The following ERFE variants were observed in gnomAD, a reference collection of about 807,000 sequenced individuals.
ERFE encodes complement C1q tumor necrosis factor-related protein 15.
Under a neutral mutation model 26.6 loss-of-function variants are expected in ERFE, and 25 were observed. That is an observed-to-expected ratio of 0.94 (90% CI 0.69 to 1.31). ERFE has a LOEUF of 1.31. Ranked by LOEUF, ERFE falls within the 40% of genes most tolerant of loss-of-function variation. The pLI is 0.00. For synonymous variants in ERFE, 206 were observed against 204.5 expected (o/e 1.01, Z -0.06); for missense variants, 447 against 440.2 (o/e 1.02, Z -0.14).
chr2:238,163,426 C>T (rs1559282085), intron 3 of ERFE, among the ~76,000 whole-genome samples: 2 of 152,258 alleles, frequency 1.3e-5, no homozygotes, highest in African/African-American at 2.4e-5. Context: ...CTTGTACTTC[C>T]AGTAAAGCTG....
Position 238,163,894 on chromosome 2 carries a change from CCCGGGGCCGCGGGCGCCGCGCGTGGAG to C in ERFE, c.583_609del (p.Pro195_Glu203del), listed in dbSNP as rs746311920. The C allele has an allele frequency of 2.6e-4, 347 of 1,318,674 alleles. 14 individuals are homozygous for C. In the South Asian group the frequency reaches 7.2e-3, roughly 27 times the overall value. The allele number at this position is 1,318,674 out of a possible 1,614,324, so 81.7% of individuals were successfully genotyped here. On this transcript the variant is annotated inframe_deletion, in exon 4 of 8. Coordinates refer to ENST00000546354, the MANE Select transcript of ERFE (RefSeq NM_001291832.2). ...TGGCACTGCTGGCCGCGCCCCTGGCCCCGGGGCCGCGGGCGCCGCGCGTGGAGGCCGCTTTCCTCTGCCGCCTGCGCC... is the reference window on the plus strand; with the variant it reads ...TGGCACTGCTGGCCGCGCCCCTGGCCGCCGCTTTCCTCTGCCGCCTGCGCC...
Position 238,163,961 on chromosome 2 carries a change from G to C in ERFE, c.649G>C (p.Glu217Gln). 1 of 1,382,666 alleles carries C rather than the reference G, an allele frequency of 7.2e-7. No individual in the cohort carries two copies. The highest frequency in any genetic ancestry group is 9.3e-7 in the Non-Finnish European group (1 of 1,074,818). The allele number at this position is 1,382,666 out of a possible 1,614,324, so 85.6% of individuals were successfully genotyped here. Reference sequence around the variant, plus strand: ...CCGCCTGCGCCGGGACGCGTTGGTGGAGCGGCGCGCGCTGCACGAGCTTGG... The same window carrying C: ...CCGCCTGCGCCGGGACGCGTTGGTGCAGCGGCGCGCGCTGCACGAGCTTGG... ...LCRLRRDALV[E>Q]RRALHELGVY... Residue 217 changes from glutamate (E) to glutamine (Q), a missense_variant, in exon 4 of 8, where the codon GAG (glutamate) becomes CAG (glutamine). By Grantham distance (29) the Glu-to-Gln change is conservative. Coordinates refer to ENST00000546354, the MANE Select transcript of ERFE (RefSeq NM_001291832.2).
intron 6 of ERFE, among the ~76,000 whole-genome samples, chr2:238,164,896 C>G (rs1693010728): frequency 6.6e-6 from 1 of 152,118 alleles, no homozygotes; most frequent in South Asian, 2.1e-4. Context: ...CCAGGCCACT[C>G]CCTGCCCAGA....
chr2:238,165,603 C>T lies in ERFE; in HGVS notation c.888-3C>T. 1.9e-6 allele frequency: 3 copies of T among 1,546,750 alleles called. No homozygotes were observed. Among genetic ancestry groups the T allele is most frequent in the African/African-American group, 1.4e-5 (1 of 73,130 alleles). ...GCTGACCCTCCCTCTGTTTTGGGTA[C>T]AGCTCCCTGGAGGCCATCATGGGCC... On this transcript the variant is annotated splice_region_variant and splice_polypyrimidine_tract_variant and intron_variant, in intron 6 of 7. Transcript: ENST00000546354.
At chr2:238,166,843 C>A (rs1011440018) in intron 7 of ERFE, 113 bp from the exon 8 acceptor site, 2 of 870,048 alleles carry the variant, frequency 2.3e-6, no homozygotes, top group Non-Finnish European at 3.6e-6. Flanking sequence ...TGGGCCTGAG[C>A]CCTTCCCAAA....
rs1461672307 is a variant in ERFE at position 238,163,878 on chromosome 2, TG to T, written c.568del (p.Ala190ProfsTer53). On this transcript the variant is annotated frameshift_variant, in exon 4 of 8. Transcript: ENST00000546354. LOFTEE classifies it high-confidence loss of function. ...GTGGTGGGGGACGTGCTGGCACTGC[TG>T]GCCGCGCCCCTGGCCCCGGGGCCGC... is the stretch of plus-strand genomic sequence containing the variant. ...DDVVGDVLAL[L>X]AAPLAPGPRA... The T allele has an allele frequency of 6.8e-6, 9 of 1,314,830 alleles. No individual in the cohort carries two copies. Among genetic ancestry groups the T allele is most frequent in the Non-Finnish European group, 4.8e-6 (5 of 1,040,214 alleles). The allele number at this position is 1,314,830 out of a possible 1,614,324, so 81.4% of individuals were successfully genotyped here.
Position 238,163,925 on chromosome 2 carries a change from G to T in ERFE, c.613G>T (p.Ala205Ser). The change falls in exon 4 of 8, where the codon GCT becomes TCT. Residue 205 changes from alanine (A) to serine (S), a missense_variant. Coordinates refer to ENST00000546354, the MANE Select transcript of ERFE (RefSeq NM_001291832.2). ...PGPRAPRVEA[A>S]FLCRLRRDAL... ...GCCGCGGGCGCCGCGCGTGGAGGCC[G>T]CTTTCCTCTGCCGCCTGCGCCGGGA... 1 of 1,345,614 alleles carries T rather than the reference G, an allele frequency of 7.4e-7. No individual in the cohort carries two copies. Among genetic ancestry groups the T allele is most frequent in the Non-Finnish European group, 9.5e-7 (1 of 1,056,582 alleles). The allele number at this position is 1,345,614 out of a possible 1,614,324, so 83.4% of individuals were successfully genotyped here.
chr2:238,167,464 GCCCCTA>G lies in ERFE; in HGVS notation c.*413_*418del. 1 of 474,906 alleles carries G rather than the reference GCCCCTA, an allele frequency of 2.1e-6. No homozygotes were observed. The highest frequency in any genetic ancestry group is 1.5e-5 in the South Asian group (1 of 64,734). The allele number at this position is 474,906 out of a possible 1,614,324, so 29.4% of individuals were successfully genotyped here. On this transcript the variant is annotated 3_prime_UTR_variant, in exon 8 of 8. Transcript: ENST00000546354. ...TGGAGTGCAAAGTGCACCAGCCAGG[GCCCCTA>G]CCTGGGAGAGGGTCAGCTGACGCAG...
chr2:238,168,419 T>TG lies in ERFE; in HGVS notation c.*1367dup, dbSNP rs1693083386. 1 of 471,024 alleles carries TG rather than the reference T, an allele frequency of 2.1e-6. No homozygotes were observed. The highest frequency in any genetic ancestry group is 2.0e-5 in the African/African-American group (1 of 50,080). The allele number at this position is 471,024 out of a possible 1,614,324, so 29.2% of individuals were successfully genotyped here. A position where few individuals can be genotyped will look rare whatever the true frequency, so the allele number is the denominator to read the frequency against. ...GGACCTCCTGGGAGCCAAGCTGGTCTGGCAAGGGCGCTCAGGCCTGGGAGA... is the reference window on the plus strand; with the variant it reads ...GGACCTCCTGGGAGCCAAGCTGGTCTGGGCAAGGGCGCTCAGGCCTGGGAGA... On this transcript the variant is annotated 3_prime_UTR_variant, in exon 8 of 8. Transcript: ENST00000546354.
rs775839164 is a variant in ERFE at position 238,168,185 on chromosome 2, C to T, written c.*1131C>T. 1.3e-3 allele frequency: 411 copies of T among 318,498 alleles called. 3 individuals carry two copies. The highest frequency in any genetic ancestry group is 2.3e-3 in the Non-Finnish European group (356 of 156,052). 19.7% of individuals were successfully genotyped at this position (318,498 alleles called of 1,614,324 possible). A position where few individuals can be genotyped will look rare whatever the true frequency, so the allele number is the denominator to read the frequency against. Reference sequence around the variant, plus strand: ...CAGTGATGGGGCCTGGGGATGGGGACGGCAGCTCTCATGAGGACACACAGG... The same window carrying T: ...CAGTGATGGGGCCTGGGGATGGGGATGGCAGCTCTCATGAGGACACACAGG... On this transcript the variant is annotated 3_prime_UTR_variant, in exon 8 of 8. Transcript: ENST00000546354.
At position 238,168,257 on chromosome 2, in the gene ERFE, A is replaced by G. The variant is rs1693080029; in HGVS notation, c.*1203A>G. 2 of 351,214 alleles carry G rather than the reference A, an allele frequency of 5.7e-6. No homozygotes were observed. The highest frequency in any genetic ancestry group is 4.5e-5 in the South Asian group (2 of 44,158). 21.8% of individuals were successfully genotyped at this position (351,214 alleles called of 1,614,324 possible). On this transcript the variant is annotated 3_prime_UTR_variant, in exon 8 of 8. Transcript: ENST00000546354. ...AAATGTAGCCTCCCACATTTTCCCCAAAGTACAGGACTGTCCCAGAGTAGG... is the reference window on the plus strand; with the variant it reads ...AAATGTAGCCTCCCACATTTTCCCCGAAGTACAGGACTGTCCCAGAGTAGG...
intron 6 of ERFE, 149 bp downstream of exon 6, chr2:238,164,509 C>T: frequency 2.8e-6 from 2 of 713,602 alleles, no homozygotes; most frequent in Non-Finnish European, 4.6e-6. Flanking sequence ...GTCTCCCGGT[C>T]TACTTCTGCC....
At chr2:238,162,712 C>T in intron 2 of ERFE, 24 bp from the exon 3 acceptor site, 1 of 1,459,634 alleles carries the variant, frequency 6.9e-7, no homozygotes, top group Non-Finnish European at 9.4e-7. Flanking sequence ...CTCACATGTC[C>T]TCACTGCCAA....
intron 2 of ERFE, 29 bp downstream of exon 2, chr2:238,161,745 C>A: frequency 6.6e-7 from 1 of 1,523,018 alleles, no homozygotes; most frequent in Non-Finnish European, 8.9e-7. Context: ...CAGTGCCAGG[C>A]CGTGGGGGGT....
rs1185832227 is a variant in ERFE at position 238,159,068 on chromosome 2, G to C, written c.61G>C (p.Ala21Pro). The change falls in exon 1 of 8, where the codon GCC becomes CCC. Residue 21 changes from alanine to proline, a missense_variant. Coordinates refer to ENST00000546354, the MANE Select transcript of ERFE (RefSeq NM_001291832.2). ...GCTGCTCGTCTACGCGGGCCTGCTG[G>C]CCGCCGCCGCCGCGGGCCTGGGGTC... ...RLLLVYAGLL[A>P]AAAAGLGSPE... 4.4e-6 allele frequency: 1 copy of C among 225,362 alleles called. No homozygotes were observed. Among genetic ancestry groups the C allele is most frequent in the South Asian group, 1.5e-4 (1 of 6,526 alleles). 14.0% of individuals were successfully genotyped at this position (225,362 alleles called of 1,614,324 possible).
intron 2 of ERFE, among the ~76,000 whole-genome samples, chr2:238,162,452 C>T (rs1300036916): frequency 6.6e-6 from 1 of 152,200 alleles, no homozygotes; most frequent in African/African-American, 2.4e-5. Flanking sequence ...CTAGAGTCTT[C>T]TTCCCTCCAC....
At chr2:238,166,811 C>T in intron 7 of ERFE, 145 bp from the exon 8 acceptor site, 1 of 680,758 alleles carries the variant, frequency 1.5e-6, no homozygotes, top group East Asian at 2.7e-5. Context: ...TGCTCTGTGA[C>T]CTTGGCGGCC....
intron 7 of ERFE, among the ~76,000 whole-genome samples, chr2:238,166,619 C>CCA (rs1693039471): frequency 6.6e-6 from 1 of 152,200 alleles, no homozygotes; most frequent in South Asian, 2.1e-4. Flanking sequence ...TGGGGAAGGG[C>CCA]CACCCTCCCA....
In ERFE at chr2:238,163,823, T is replaced by TCGGCCAC; in HGVS notation, c.514_520dup (p.Ala174GlyfsTer138). The TCGGCCAC allele has an allele frequency of 7.5e-7, 1 of 1,329,272 alleles. No individual in the cohort carries two copies. The highest frequency in any genetic ancestry group is 2.1e-5 in the South Asian group (1 of 48,158). The allele number at this position is 1,329,272 out of a possible 1,614,324, so 82.3% of individuals were successfully genotyped here. On this transcript the variant is annotated frameshift_variant, in exon 4 of 8. Transcript: ENST00000546354. LOFTEE classifies it high-confidence loss of function. ...GGTCGCTGCGAGCCTCGCCCCGGTC[T>TCGGCCAC]CGGCCACCGCCGGGGAGGACGACGA... is the stretch of plus-strand genomic sequence containing the variant.
Sources: allele counts gnomAD v4.1 joint callset (sites outside exome capture counted in the v4.1 genomes callset), GRCh38; gene constraint gnomAD v4.1.1; transcripts MANE v1.5; gene names NCBI Gene and HGNC (gene_info 2026-07-23, HGNC 2026-07-21).